WWC2: variants seen among roughly 807,000 people sequenced by gnomAD.
The protein encoded by WWC2 is protein WWC2.
In WWC2, 101 loss-of-function variants were observed where a neutral mutation model predicts 138.5. The ratio of observed to expected loss-of-function variants is 0.73; its 90% CI spans 0.62 to 0.86. WWC2 has a LOEUF of 0.86. Ranked by LOEUF, WWC2 falls within the 40% of genes least tolerant of loss-of-function variation. The pLI, the probability that WWC2 is intolerant of heterozygous loss-of-function variation, is 0.00. For synonymous variants in WWC2, 558 were observed against 538.4 expected (o/e 1.04, Z -0.50); for missense variants, 1,420 against 1,419.4 (o/e 1.00, Z -0.01).
intron 1 of WWC2, among the ~76,000 whole-genome samples, chr4:183,179,231 T>G (rs565562325): frequency 6.6e-6 from 1 of 152,226 alleles, no homozygotes; most frequent in Admixed American, 6.5e-5. Context: ...TCGTGGATAC[T>G]TCTGAAGAGA....
chr4:183,170,006 A>G (rs537684067), intron 1 of WWC2, among the ~76,000 whole-genome samples: 1 of 152,226 alleles, frequency 6.6e-6, no homozygotes, highest in African/African-American at 2.4e-5. Context: ...GAACAGTATC[A>G]TTCAAAGGAT....
At chr4:183,206,926 T>A (rs1257327889) in intron 2 of WWC2, among the ~76,000 whole-genome samples, 1 of 152,258 alleles carries the variant, frequency 6.6e-6, no homozygotes, top group Non-Finnish European at 1.5e-5. Flanking sequence ...TTGTTTTTCT[T>A]CATGTTTTGT....
At chr4:183,211,826 G>A (rs989983114) in intron 4 of WWC2, among the ~76,000 whole-genome samples, 2 of 150,872 alleles carry the variant, frequency 1.3e-5, no homozygotes, top group African/African-American at 4.9e-5. Flanking sequence ...TTATCTTTTG[G>A]ATTTTTTTTT....
intron 17 of WWC2, chr4:183,281,223 A>T (rs1336829767): frequency 1.6e-5 from 6 of 375,448 alleles, no homozygotes; most frequent in Non-Finnish European, 2.8e-5. Context: ...AGATAATTTT[A>T]AAAGTGACTC....
At chr4:183,126,167 C>T (rs1478301405) in intron 1 of WWC2, among the ~76,000 whole-genome samples, 3 of 152,220 alleles carry the variant, frequency 2.0e-5, no homozygotes, top group East Asian at 3.8e-4. Flanking sequence ...TGTTTATTCT[C>T]AAAGTAACTA....
At chr4:183,307,041 A>G (rs1739045989) in intron 21 of WWC2, among the ~76,000 whole-genome samples, 1 of 152,192 alleles carries the variant, frequency 6.6e-6, no homozygotes, top group South Asian at 2.1e-4. Context: ...TACTTCATTT[A>G]ATGACAACAG....
chr4:183,183,264 G>A (rs879668872), intron 1 of WWC2, among the ~76,000 whole-genome samples: 7 of 152,258 alleles, frequency 4.6e-5, no homozygotes, highest in Admixed American at 4.6e-4. Context: ...ATGTCTTGCC[G>A]CACCTATCAC....
chr4:183,161,860 C>T (rs919781625), intron 1 of WWC2, among the ~76,000 whole-genome samples: 2 of 152,158 alleles, frequency 1.3e-5, no homozygotes, highest in African/African-American at 4.8e-5. Context: ...CAGAATATAT[C>T]TCTGTTACTA....
At chr4:183,123,893 T>G (rs552696876) in intron 1 of WWC2, among the ~76,000 whole-genome samples, 1 of 152,184 alleles carries the variant, frequency 6.6e-6, no homozygotes, top group South Asian at 2.1e-4. Context: ...TTTGTGAGAG[T>G]AGTCTAGTTT....
At chr4:183,285,644 G>A (rs998534690) in intron 19 of WWC2, among the ~76,000 whole-genome samples, 2 of 152,040 alleles carry the variant, frequency 1.3e-5, no homozygotes, top group Non-Finnish European at 2.9e-5. Flanking sequence ...CCTGTAATCC[G>A]AGTTACTACA....
Position 183,099,285 on chromosome 4 carries a change from A to T in WWC2, c.-207A>T, listed in dbSNP as rs899429543. The T allele has an allele frequency of 2.6e-4, 80 of 303,968 alleles. No homozygotes were observed. The highest frequency in any genetic ancestry group is 1.9e-3 in the Admixed American group (34 of 17,922). The allele number at this position is 303,968 out of a possible 1,614,324, so 18.8% of individuals were successfully genotyped here. A position where few individuals can be genotyped will look rare whatever the true frequency, so the allele number is the denominator to read the frequency against. On this transcript the variant is annotated 5_prime_UTR_variant, in exon 1 of 23. An upstream start codon of the reference 5' UTR is lost. Coordinates refer to ENST00000403733, the MANE Select transcript of WWC2 (RefSeq NM_024949.6). ...TTCGCTCGCCGGCTCCGACGCAGAC[A>T]TGGTGGACTGATCCGCAGCGGGGCC...
intron 1 of WWC2, among the ~76,000 whole-genome samples, chr4:183,105,402 T>G (rs1743318126): frequency 1.3e-5 from 2 of 152,194 alleles, no homozygotes; most frequent in African/African-American, 4.8e-5. Flanking sequence ...TTTCAGTAAT[T>G]GTCTGTAGGA....
intron 1 of WWC2, among the ~76,000 whole-genome samples, chr4:183,152,360 A>G (rs770857965): frequency 1.4e-4 from 21 of 151,958 alleles, no homozygotes; most frequent in Non-Finnish European, 2.2e-4. Flanking sequence ...TTAGCTTGGC[A>G]TGTAGATGTG....
chr4:183,217,581 ATATAT>A (rs1735791986), intron 4 of WWC2, among the ~76,000 whole-genome samples: 2 of 152,064 alleles, frequency 1.3e-5, no homozygotes, highest in Admixed American at 1.3e-4. Flanking sequence ...GGGAGAAAAA[ATATAT>A]TAAAAAAAAC....
In WWC2 at chr4:183,178,930, A is replaced by G. The variant is rs954532456; in HGVS notation, c.132-14669A>G. On this transcript the variant is annotated intron_variant, in intron 1 of 22. Coordinates refer to ENST00000403733, the MANE Select transcript of WWC2 (RefSeq NM_024949.6). The stretch of plus-strand genomic sequence containing the variant: ...CTTGTCAGTATCTAACTTAGGGCTC[A>G]TTCAAGGATATTCAGTACAGTGTTG... Among the ~76,000 whole-genome samples, 41 of 152,060 alleles carry G rather than the reference A, an allele frequency of 2.7e-4. 2 individuals carry two copies. Among genetic ancestry groups the G allele is most frequent in the Non-Finnish European group, 2.9e-5 (2 of 68,040 alleles).
At chr4:183,279,090 A>T (rs1364498952) in intron 16 of WWC2, among the ~76,000 whole-genome samples, 1 of 152,102 alleles carries the variant, frequency 6.6e-6, no homozygotes, top group Non-Finnish European at 1.5e-5. Context: ...GTTCTTGCCC[A>T]TTCAGTATGA....
At chr4:183,243,022 G>A (rs1165825898) in intron 5 of WWC2, among the ~76,000 whole-genome samples, 3 of 152,218 alleles carry the variant, frequency 2.0e-5, no homozygotes, top group Non-Finnish European at 4.4e-5. Context: ...GGTGAAAGCT[G>A]AGCTGTGTTC....
chr4:183,269,282 G>C (rs1397560229), intron 15 of WWC2, 119 bp downstream of exon 15: 2 of 943,278 alleles, frequency 2.1e-6, no homozygotes, highest in Non-Finnish European at 3.2e-6. Context: ...CCAACATCTT[G>C]GGATACATCT....
At chr4:183,189,382 A>T (rs1734923344) in intron 1 of WWC2, among the ~76,000 whole-genome samples, 1 of 151,416 alleles carries the variant, frequency 6.6e-6, no homozygotes, top group African/African-American at 2.4e-5. Context: ...GGTTGCAGTG[A>T]GCCGAGATCG....
Sources: allele counts gnomAD v4.1 joint callset (sites outside exome capture counted in the v4.1 genomes callset), GRCh38; gene constraint gnomAD v4.1.1; transcripts MANE v1.5; gene names NCBI Gene and HGNC (gene_info 2026-07-23, HGNC 2026-07-21).